The following PTCD3 variants were observed in gnomAD, a reference collection of about 807,000 sequenced individuals.
PTCD3 encodes the protein small ribosomal subunit protein mS39.
In PTCD3, 89 loss-of-function variants were observed where a neutral mutation model predicts 101.9. That is an observed-to-expected ratio of 0.87 (90% CI 0.74 to 1.04). The LOEUF is 1.04. PTCD3 is among the 50% of genes least tolerant of loss of function. The pLI, the probability that PTCD3 is intolerant of heterozygous loss-of-function variation, is 0.00. For missense variants in PTCD3, 870 were observed against 828.2 expected, an observed-to-expected ratio of 1.05 and a Z score of -0.62; for synonymous variants, 296 against 278.5, an observed-to-expected ratio of 1.06 and a Z score of -0.63.
At chr2:86,128,926 A>T (rs1355306125) in intron 14 of PTCD3, among the ~76,000 whole-genome samples, 1 of 152,242 alleles carries the variant, frequency 6.6e-6, no homozygotes, top group African/African-American at 2.4e-5. Context: ...CTTGTCCATT[A>T]TCCCCAGCCT....
At chr2:86,113,642 C>A (rs1432411295) in intron 4 of PTCD3, among the ~76,000 whole-genome samples, 3 of 151,742 alleles carry the variant, frequency 2.0e-5, no homozygotes, top group African/African-American at 7.3e-5. Flanking sequence ...CCTGTCTCTA[C>A]AAAAAAACAC....
chr2:86,118,147 C>T (rs1330124860), intron 6 of PTCD3, among the ~76,000 whole-genome samples: 1 of 152,146 alleles, frequency 6.6e-6, no homozygotes, highest in Non-Finnish European at 1.5e-5. Context: ...TGTGTATACT[C>T]TTCTGTTTCA....
chr2:86,134,030 A>G (rs1450260868), intron 19 of PTCD3, among the ~76,000 whole-genome samples: 2 of 152,190 alleles, frequency 1.3e-5, no homozygotes, highest in Non-Finnish European at 2.9e-5. Flanking sequence ...AGTGCTATAA[A>G]ACAACGTCTT....
chr2:86,136,722 T>C, intron 22 of PTCD3, 160 bp downstream of exon 22: 1 of 901,508 alleles, frequency 1.1e-6, no homozygotes. Flanking sequence ...AGCAGTTTTT[T>C]ATCTGTGTTG....
At chr2:86,113,164 G>C (rs1328715962) in intron 4 of PTCD3, among the ~76,000 whole-genome samples, 1 of 152,184 alleles carries the variant, frequency 6.6e-6, no homozygotes, top group Admixed American at 6.5e-5. Flanking sequence ...TAAGATTTAG[G>C]ATAGAGTCTG....
At chr2:86,132,544 A>G in intron 17 of PTCD3, 120 bp downstream of exon 17, 1 of 647,334 alleles carries the variant, frequency 1.5e-6, no homozygotes, top group Non-Finnish European at 2.7e-6. Flanking sequence ...ATCTAATAGG[A>G]CATGTTAATT....
intron 4 of PTCD3, among the ~76,000 whole-genome samples, chr2:86,115,666 A>G (rs17026940): frequency 0.03 from 4,504 of 152,274 alleles, 201 homozygotes; most frequent in African/African-American, 0.099. Context: ...TTGCTTTGGA[A>G]TAAAGGCCCA....
intron 4 of PTCD3, among the ~76,000 whole-genome samples, chr2:86,112,291 C>T (rs1202774344): frequency 1.4e-5 from 2 of 147,822 alleles, no homozygotes; most frequent in African/African-American, 5.0e-5. Flanking sequence ...CTCCTGACCT[C>T]CTGATCCACC....
At chr2:86,134,075 G>A (rs770838159) in intron 19 of PTCD3, among the ~76,000 whole-genome samples, 1 of 152,172 alleles carries the variant, frequency 6.6e-6, no homozygotes, top group South Asian at 2.1e-4. Context: ...CCCATGTAGT[G>A]CACATGCCGT....
intron 12 of PTCD3, 55 bp from the exon 13 acceptor site, chr2:86,127,106 T>G: frequency 6.7e-7 from 1 of 1,486,368 alleles, no homozygotes; most frequent in Non-Finnish European, 9.2e-7. Context: ...GAAACATAGA[T>G]TATTGGACAG....
At chr2:86,134,482 C>A in intron 20 of PTCD3, 105 bp downstream of exon 20, 1 of 909,020 alleles carries the variant, frequency 1.1e-6, no homozygotes, top group Admixed American at 2.4e-5. Context: ...GCTACCCAAA[C>A]CCATATTTGA....
intron 1 of PTCD3, chr2:86,107,339 C>A: frequency 2.5e-6 from 1 of 401,344 alleles, no homozygotes; most frequent in Non-Finnish European, 5.1e-6. Flanking sequence ...GAGTTGATCT[C>A]AGAAACTTGA....
At position 86,138,864 on chromosome 2, in the gene PTCD3, G is replaced by A. The variant is rs1240537610; in HGVS notation, c.*1305G>A. 1.3e-5 allele frequency: 2 copies of A among 152,292 alleles called. No homozygotes were observed. Among genetic ancestry groups the A allele is most frequent in the East Asian group, 1.9e-4 (1 of 5,176 alleles). 9.4% of individuals were successfully genotyped at this position (152,292 alleles called of 1,614,324 possible). ...TCCTGTCTCTAGTTCATCAGCACCT[G>A]CAGATGCCTGACTCTTGTTAGCCTT... On this transcript the variant is annotated 3_prime_UTR_variant, in exon 24 of 24. Transcript: ENST00000254630.
intron 1 of PTCD3, among the ~76,000 whole-genome samples, chr2:86,106,696 C>T (rs1429306421): frequency 6.6e-6 from 1 of 152,198 alleles, no homozygotes; most frequent in Non-Finnish European, 1.5e-5. Context: ...TTAACCCAAT[C>T]AGGAGGAGCG....
In PTCD3 at chr2:86,134,826, C is replaced by G; in HGVS notation, c.1630-13C>G. Reference sequence around the variant, plus strand: ...ATCAGTTAGGCAGTTCTGCTGACTCCTAAGCTTCTCAGCTTCAGGTGGCAT... The same window carrying G: ...ATCAGTTAGGCAGTTCTGCTGACTCGTAAGCTTCTCAGCTTCAGGTGGCAT... On this transcript the variant is annotated splice_polypyrimidine_tract_variant and intron_variant, in intron 20 of 23. Coordinates refer to ENST00000254630, the MANE Select transcript of PTCD3 (RefSeq NM_017952.6). 6.2e-7 allele frequency: 1 copy of G among 1,613,794 alleles called. No homozygotes were observed. The highest frequency in any genetic ancestry group is 8.5e-7 in the Non-Finnish European group (1 of 1,179,960).
At position 86,137,969 on chromosome 2, in the gene PTCD3, T is replaced by C; in HGVS notation, c.*410T>C. The C allele has an allele frequency of 5.0e-6, 1 of 200,874 alleles. No individual in the cohort carries two copies. Among genetic ancestry groups the C allele is most frequent in the Non-Finnish European group, 1.0e-5 (1 of 95,496 alleles). The allele number at this position is 200,874 out of a possible 1,614,324, so 12.4% of individuals were successfully genotyped here. A position where few individuals can be genotyped will look rare whatever the true frequency, so the allele number is the denominator to read the frequency against. ...GCTGCTGTGATGCTGGTCCTTCATC[T>C]TAGGTGTTCATGCAGTTCTAACACA... On this transcript the variant is annotated 3_prime_UTR_variant, in exon 24 of 24. Transcript: ENST00000254630.
chr2:86,131,247 A>G, intron 16 of PTCD3, 141 bp downstream of exon 16: 1 of 700,842 alleles, frequency 1.4e-6, no homozygotes, highest in Non-Finnish European at 2.2e-6. Flanking sequence ...TAAAATCTAT[A>G]ATTTTTTTTT....
intron 16 of PTCD3, among the ~76,000 whole-genome samples, chr2:86,131,756 T>C (rs1027770057): frequency 6.6e-6 from 1 of 152,226 alleles, no homozygotes; most frequent in African/African-American, 2.4e-5. Flanking sequence ...TACTATTAGA[T>C]TGGTGCAAAA....
intron 8 of PTCD3, among the ~76,000 whole-genome samples, chr2:86,122,448 G>A (rs919642091): frequency 6.6e-6 from 1 of 152,178 alleles, no homozygotes; most frequent in African/African-American, 2.4e-5. Flanking sequence ...GTCTCACTCT[G>A]TCACCTAGGG....
Sources: gnomAD v4.1 joint callset for allele counts (sites outside exome capture counted in the v4.1 genomes callset) on GRCh38, gnomAD v4.1.1 for gene constraint, MANE v1.5 for transcripts, NCBI Gene and HGNC (gene_info 2026-07-23, HGNC 2026-07-21) for gene names.